HPSE2: variants seen among roughly 807,000 people sequenced by gnomAD.
The protein encoded by HPSE2 is heparanase 2 (inactive).
In HPSE2, 38 loss-of-function variants were observed where a neutral mutation model predicts 60.5. The ratio of observed to expected loss-of-function variants is 0.63; its 90% CI spans 0.48 to 0.82. HPSE2 has a LOEUF of 0.82. HPSE2 is among the 40% of genes least tolerant of loss of function. HPSE2 has a pLI of 0.00. For missense variants in HPSE2, 713 were observed against 740.4 expected (o/e 0.96, Z 0.43); for synonymous variants, 295 against 293.2 (o/e 1.01, Z -0.06).
intron 11 of HPSE2, among the ~76,000 whole-genome samples, chr10:98,475,345 C>T (rs545922045): frequency 1.2e-4 from 19 of 152,208 alleles, no homozygotes; most frequent in African/African-American, 4.1e-4. Context: ...TGGTCTTGAT[C>T]TCCTGACCTT....
intron 2 of HPSE2, among the ~76,000 whole-genome samples, chr10:99,193,059 C>G (rs887769096): frequency 7.9e-5 from 12 of 151,930 alleles, no homozygotes; most frequent in African/African-American, 2.9e-4. Flanking sequence ...AAAAGATGAA[C>G]CTATCAAAAA....
intron 3 of HPSE2, among the ~76,000 whole-genome samples, chr10:98,767,063 C>T (rs1490023251): frequency 6.6e-6 from 1 of 152,130 alleles, no homozygotes; most frequent in Non-Finnish European, 1.5e-5. Context: ...AACATTAATT[C>T]ATTATTTTAA....
intron 3 of HPSE2, among the ~76,000 whole-genome samples, chr10:99,024,418 A>C (rs1263974105): frequency 6.6e-6 from 1 of 152,148 alleles, no homozygotes; most frequent in Non-Finnish European, 1.5e-5. Flanking sequence ...CACAAATAAT[A>C]AAATAAAATA....
chr10:98,823,130 G>A (rs1277868958), intron 3 of HPSE2, among the ~76,000 whole-genome samples: 1 of 152,112 alleles, frequency 6.6e-6, no homozygotes. Flanking sequence ...AAAGAATGTA[G>A]GCAGCCTCCT....
At chr10:99,313,863 G>C in the HPSE2 span, among the ~76,000 whole-genome samples, 1 of 151,848 alleles carries the variant, frequency 6.6e-6, no homozygotes, top group Admixed American at 6.6e-5. Flanking sequence ...ACCTCCCAAA[G>C]TGCTGGATTA....
chr10:99,046,587 T>A (rs10786501), intron 3 of HPSE2, among the ~76,000 whole-genome samples: 2 of 151,886 alleles, frequency 1.3e-5, no homozygotes, highest in Admixed American at 6.6e-5. Context: ...CCCTAAAGAC[T>A]CCCCAAAAGG....
chr10:99,041,753 A>G (rs182355683), intron 3 of HPSE2, among the ~76,000 whole-genome samples: 37 of 152,042 alleles, frequency 2.4e-4, no homozygotes, highest in African/African-American at 8.9e-4. Flanking sequence ...TAGTCATCCC[A>G]CCCACACCTA....
chr10:99,033,791 A>T (rs1217941114), intron 3 of HPSE2, among the ~76,000 whole-genome samples: 1 of 152,120 alleles, frequency 6.6e-6, no homozygotes, highest in Non-Finnish European at 1.5e-5. Flanking sequence ...TCAAAAAAAA[A>T]AAAACACAAA....
At chr10:99,107,328 C>A (rs2135668403) in intron 3 of HPSE2, among the ~76,000 whole-genome samples, 1 of 152,214 alleles carries the variant, frequency 6.6e-6, no homozygotes, top group Middle Eastern at 3.4e-3. Context: ...ATTAACCAAC[C>A]ATACTTTTAA....
At chr10:98,640,233 C>T (rs991822080) in intron 7 of HPSE2, among the ~76,000 whole-genome samples, 3 of 152,216 alleles carry the variant, frequency 2.0e-5, no homozygotes, top group Admixed American at 2.0e-4. Context: ...TGACACTTTG[C>T]CTTAGGTACT....
the HPSE2 span, among the ~76,000 whole-genome samples, chr10:99,314,059 C>G: frequency 6.6e-5 from 10 of 152,152 alleles, no homozygotes; most frequent in African/African-American, 1.7e-4. Flanking sequence ...GCCACCACCC[C>G]GTCAGTCAGC....
At chr10:99,310,685 G>A in the HPSE2 span, among the ~76,000 whole-genome samples, 1 of 152,232 alleles carries the variant, frequency 6.6e-6, no homozygotes, top group East Asian at 1.9e-4. Flanking sequence ...GGAGTGCAGT[G>A]GTGTGATCTC....
chr10:99,039,493 T>G (rs1957686625), intron 3 of HPSE2, among the ~76,000 whole-genome samples: 1 of 151,008 alleles, frequency 6.6e-6, no homozygotes, highest in East Asian at 1.9e-4. Context: ...ATGAAGACTA[T>G]TAGGATATTA....
At chr10:99,003,265 T>TA (rs1956816354) in intron 3 of HPSE2, among the ~76,000 whole-genome samples, 1 of 152,104 alleles carries the variant, frequency 6.6e-6, no homozygotes, top group Non-Finnish European at 1.5e-5. Flanking sequence ...TGTGGACACT[T>TA]AGATTGATTC....
At chr10:98,967,534 A>G (rs565741199) in intron 3 of HPSE2, among the ~76,000 whole-genome samples, 1 of 152,288 alleles carries the variant, frequency 6.6e-6, no homozygotes, top group South Asian at 2.1e-4. Context: ...TGGTTTCTCG[A>G]TTGGAAAAAA....
chr10:98,906,395 C>T (rs1012038339), intron 3 of HPSE2, among the ~76,000 whole-genome samples: 1 of 152,044 alleles, frequency 6.6e-6, no homozygotes, highest in Non-Finnish European at 1.5e-5. Flanking sequence ...ATCCAGGACA[C>T]TAAGTAATAG....
At chr10:99,294,381 C>T in the HPSE2 span, among the ~76,000 whole-genome samples, 1 of 143,904 alleles carries the variant, frequency 6.9e-6, no homozygotes, top group Non-Finnish European at 1.5e-5. Flanking sequence ...ATAATACATA[C>T]ATATATAATA....
intron 3 of HPSE2, among the ~76,000 whole-genome samples, chr10:99,132,138 A>AAAGAAAGG (rs1367480488): frequency 4.1e-5 from 2 of 49,106 alleles, no homozygotes; most frequent in African/African-American, 8.1e-5. Context: ...GAAAGGAAAG[A>AAAGAAAGG]AAGAAAGGAA....
At chr10:98,638,512 G>A (rs1186783298) in intron 7 of HPSE2, among the ~76,000 whole-genome samples, 1 of 152,158 alleles carries the variant, frequency 6.6e-6, no homozygotes, top group Non-Finnish European at 1.5e-5. Context: ...TGAGGAACTT[G>A]CAAGAAAGCC....
Sources: gnomAD v4.1 joint callset for allele counts (sites outside exome capture counted in the v4.1 genomes callset) on GRCh38, gnomAD v4.1.1 for gene constraint, MANE v1.5 for transcripts, NCBI Gene and HGNC (gene_info 2026-07-23, HGNC 2026-07-21) for gene names.